The following SLC4A10 variants were observed in gnomAD, a reference collection of about 807,000 sequenced individuals.
SLC4A10 encodes the protein sodium-driven chloride bicarbonate exchanger.
A neutral mutation model predicts 137.7 loss-of-function variants in SLC4A10; 42 were observed. That is an observed-to-expected ratio of 0.30 (90% CI 0.24 to 0.39). The LOEUF is 0.39. Ranked by LOEUF, SLC4A10 falls within the 10% of genes least tolerant of loss-of-function variation. The pLI is 1.00. For missense variants in SLC4A10, 925 were observed against 1,355.0 expected (o/e 0.68, Z 4.98); for synonymous variants, 474 against 464.1 (o/e 1.02, Z -0.27).
rs1252795033 is a variant in SLC4A10 at position 161,821,132 on chromosome 2, TG to T, written c.277+16538del. On this transcript the variant is annotated intron_variant, in intron 3 of 26. Coordinates refer to ENST00000446997, the MANE Select transcript of SLC4A10 (RefSeq NM_001178015.2). ...TATTTTTAATGAGCTTTTATTGATT[TG>T]TAGAAGTTCTTTACATGTTATGGAA... is the stretch of plus-strand genomic sequence containing the variant. 2.6e-5 allele frequency among the ~76,000 whole-genome samples: 4 copies of T among 152,346 alleles called. No homozygotes were observed. In the East Asian group the frequency reaches 7.7e-4, roughly 29 times the overall value.
chr2:161,745,692 G>A (rs904549417), intron 1 of SLC4A10, among the ~76,000 whole-genome samples: 2 of 152,038 alleles, frequency 1.3e-5, no homozygotes, highest in Non-Finnish European at 2.9e-5. Context: ...GGTCTTGTTT[G>A]TTCCCTTTCT....
At chr2:161,847,004 A>G (rs1273399388) in intron 4 of SLC4A10, among the ~76,000 whole-genome samples, 1 of 151,740 alleles carries the variant, frequency 6.6e-6, no homozygotes, top group Non-Finnish European at 1.5e-5. Context: ...TGGTCAGCTA[A>G]GGCAGGAGGA....
intron 3 of SLC4A10, among the ~76,000 whole-genome samples, chr2:161,810,617 G>A (rs561821271): frequency 1.5e-3 from 221 of 152,012 alleles, no homozygotes; most frequent in African/African-American, 5.0e-3. Flanking sequence ...TGTATCTATC[G>A]AGATAACCAT....
chr2:161,903,651 G>T (rs1284516679), intron 12 of SLC4A10, among the ~76,000 whole-genome samples: 2 of 152,136 alleles, frequency 1.3e-5, no homozygotes. Context: ...AATGATTGAG[G>T]GTTGTAGGCC....
intron 1 of SLC4A10, among the ~76,000 whole-genome samples, chr2:161,627,810 C>G (rs1416822072): frequency 6.6e-6 from 1 of 152,060 alleles, no homozygotes; most frequent in Non-Finnish European, 1.5e-5. Flanking sequence ...AAAAGTGTGT[C>G]AGAAAGATGT....
At chr2:161,670,876 G>A (rs936154535) in intron 1 of SLC4A10, among the ~76,000 whole-genome samples, 4 of 152,042 alleles carry the variant, frequency 2.6e-5, no homozygotes, top group African/African-American at 7.2e-5. Context: ...ACCACACTAA[G>A]TATAAGATAT....
In SLC4A10 at chr2:161,804,494, G is replaced by A. The variant is rs759673660; in HGVS notation, c.176G>A (p.Arg59Lys). 3 of 1,613,038 alleles carry A rather than the reference G, an allele frequency of 1.9e-6. No homozygotes were observed. The highest frequency in any genetic ancestry group is 2.5e-6 in the Non-Finnish European group (3 of 1,179,412). The change falls in exon 3 of 27, where the codon AGA becomes AAA. Residue 59 changes from arginine (R) to lysine (K), a missense_variant. Arg to Lys is a conservative substitution (Grantham distance 26). Transcript: ENST00000446997. ...GGAGTACATGTGCCCTTGGGAGGAA[G>A]AAAAAGCCATCGACGTCACAGGCAT... ...FIGVHVPLGGRKSHRRHRHRG... is the reference protein window; with the variant it reads ...FIGVHVPLGGKKSHRRHRHRG...
chr2:161,759,083 A>G (rs1327457431), intron 1 of SLC4A10, among the ~76,000 whole-genome samples: 1 of 151,840 alleles, frequency 6.6e-6, no homozygotes, highest in African/African-American at 2.4e-5. Flanking sequence ...CCCTTCTGGG[A>G]TCATTTTATT....
At chr2:161,645,895 T>C (rs1229292738) in intron 1 of SLC4A10, among the ~76,000 whole-genome samples, 1 of 152,046 alleles carries the variant, frequency 6.6e-6, no homozygotes, top group East Asian at 1.9e-4. Flanking sequence ...AACTCCTTTT[T>C]AATATTAGTA....
At chr2:161,830,411 G>A (rs2125735717) in intron 3 of SLC4A10, among the ~76,000 whole-genome samples, 1 of 151,096 alleles carries the variant, frequency 6.6e-6, no homozygotes, top group East Asian at 1.9e-4. Flanking sequence ...AATAGGCTAA[G>A]GTTACCTTTC....
chr2:161,767,639 C>T (rs1312503641), intron 1 of SLC4A10, among the ~76,000 whole-genome samples: 2 of 151,900 alleles, frequency 1.3e-5, no homozygotes, highest in Non-Finnish European at 2.9e-5. Flanking sequence ...CAATCCTTTG[C>T]CTTGGTCATC....
At chr2:161,734,836 A>T (rs1156931700) in intron 1 of SLC4A10, among the ~76,000 whole-genome samples, 1 of 151,986 alleles carries the variant, frequency 6.6e-6, no homozygotes, top group Non-Finnish European at 1.5e-5. Flanking sequence ...TTGTATTAAT[A>T]CCTCTATGTG....
At chr2:161,652,056 T>G (rs980103489) in intron 1 of SLC4A10, among the ~76,000 whole-genome samples, 2 of 152,242 alleles carry the variant, frequency 1.3e-5, no homozygotes, top group African/African-American at 4.8e-5. Context: ...CTGCCAGTTT[T>G]CTCCACTGTA....
intron 15 of SLC4A10, among the ~76,000 whole-genome samples, chr2:161,937,228 T>A (rs142504531): frequency 4.0e-4 from 61 of 152,340 alleles, no homozygotes; most frequent in African/African-American, 1.4e-3. Flanking sequence ...AAGTATCATT[T>A]CAGTTAATGA....
intron 2 of SLC4A10, among the ~76,000 whole-genome samples, chr2:161,803,868 C>T (rs2055634964): frequency 6.6e-6 from 1 of 152,076 alleles, no homozygotes; most frequent in African/African-American, 2.4e-5. Flanking sequence ...AAGAGATTAA[C>T]AGTAGCTAAT....
intron 15 of SLC4A10, among the ~76,000 whole-genome samples, chr2:161,918,611 C>T (rs1687557082): frequency 6.6e-6 from 1 of 152,122 alleles, no homozygotes; most frequent in Non-Finnish European, 1.5e-5. Flanking sequence ...AAATTCACCA[C>T]TTATGGGTAT....
intron 15 of SLC4A10, among the ~76,000 whole-genome samples, chr2:161,930,405 C>G (rs1346508776): frequency 1.3e-5 from 2 of 151,968 alleles, no homozygotes; most frequent in Admixed American, 6.6e-5. Context: ...ATGACCGTTA[C>G]TTTGTATTGA....
intron 3 of SLC4A10, among the ~76,000 whole-genome samples, chr2:161,834,556 CT>C (rs2058641719): frequency 6.6e-6 from 1 of 151,956 alleles, no homozygotes; most frequent in African/African-American, 2.4e-5. Context: ...TTCCTTCTGG[CT>C]TAACATTCTT....
chr2:161,976,753 T>G lies in SLC4A10; in HGVS notation c.3228-7T>G. On this transcript the variant is annotated splice_polypyrimidine_tract_variant and splice_region_variant and intron_variant, in intron 24 of 26. Coordinates refer to ENST00000446997, the MANE Select transcript of SLC4A10 (RefSeq NM_001178015.2). ...TTATTATTTCATTTGGGGAAACTCCTGTCTAGAGATGATCCATCTGTGATC... is the reference window on the plus strand; with the variant it reads ...TTATTATTTCATTTGGGGAAACTCCGGTCTAGAGATGATCCATCTGTGATC... 6.9e-7 allele frequency: 1 copy of G among 1,458,866 alleles called. No homozygotes were observed. The highest frequency in any genetic ancestry group is 9.2e-7 in the Non-Finnish European group (1 of 1,085,304). 90.4% of individuals were successfully genotyped at this position (1,458,866 alleles called of 1,614,324 possible).
Sources: allele counts gnomAD v4.1 joint callset (sites outside exome capture counted in the v4.1 genomes callset), GRCh38; gene constraint gnomAD v4.1.1; transcripts MANE v1.5; gene names NCBI Gene and HGNC (gene_info 2026-07-23, HGNC 2026-07-21).